CREB5: variants seen among roughly 807,000 people sequenced by gnomAD.
CREB5 encodes the protein cAMP responsive element binding protein 5, also known as cyclic AMP-responsive element-binding protein 5.
In CREB5, 19 loss-of-function variants were observed where a neutral mutation model predicts 57.1. The observed-to-expected ratio is 0.33, with a 90% CI of 0.23 to 0.49. The LOEUF is 0.49. CREB5 is among the 20% of genes least tolerant of loss of function. The pLI is 0.99. For synonymous variants in CREB5, 238 were observed against 238.3 expected (o/e 1.00, Z 0.01); for missense variants, 579 against 671.6 (o/e 0.86, Z 1.52).
At chr7:28,706,371 C>T (rs189236067) in intron 5 of CREB5, among the ~76,000 whole-genome samples, 277 of 151,938 alleles carry the variant, frequency 1.8e-3, no homozygotes, top group African/African-American at 6.4e-3. Context: ...AAAAAAAAAT[C>T]TTTCTAGCAC....
intron 6 of CREB5, among the ~76,000 whole-genome samples, chr7:28,721,493 G>A (rs999090539): frequency 1.3e-5 from 2 of 152,138 alleles, no homozygotes; most frequent in Non-Finnish European, 2.9e-5. Flanking sequence ...CAGGGGAGAC[G>A]CTTCCCCTAG....
At chr7:28,403,675 G>A (rs1489028562) in intron 1 of CREB5, among the ~76,000 whole-genome samples, 1 of 152,156 alleles carries the variant, frequency 6.6e-6, no homozygotes, top group African/African-American at 2.4e-5. Context: ...TGAGCATGGA[G>A]CTGGGGGTCT....
At chr7:28,316,878 T>TA (rs1245414767) in intron 1 of CREB5, among the ~76,000 whole-genome samples, 2 of 152,008 alleles carry the variant, frequency 1.3e-5, no homozygotes, top group Non-Finnish European at 2.9e-5. Flanking sequence ...CTCCATATCC[T>TA]AACCTTTAAA....
intron 1 of CREB5, among the ~76,000 whole-genome samples, chr7:28,301,156 T>G (rs1436233352): frequency 6.6e-6 from 1 of 152,320 alleles, no homozygotes; most frequent in East Asian, 1.9e-4. Context: ...CAAGCTTACT[T>G]TTTGATTAGG....
At chr7:28,332,549 A>G (rs565634819) in intron 1 of CREB5, among the ~76,000 whole-genome samples, 2 of 152,302 alleles carry the variant, frequency 1.3e-5, no homozygotes, top group African/African-American at 4.8e-5. Flanking sequence ...ACTTGGAAGT[A>G]TTTGAAGATT....
chr7:28,781,584 T>C (rs1394563996), intron 7 of CREB5, among the ~76,000 whole-genome samples: 1 of 152,172 alleles, frequency 6.6e-6, no homozygotes, highest in South Asian at 2.1e-4. Context: ...CCTACCAAAG[T>C]TGAGAAGCCA....
At chr7:28,806,061 C>A (rs978415426) in intron 8 of CREB5, among the ~76,000 whole-genome samples, 1 of 151,258 alleles carries the variant, frequency 6.6e-6, no homozygotes, top group Non-Finnish European at 1.5e-5. Flanking sequence ...CACATTTGTA[C>A]TTAGTTTATA....
chr7:28,799,325 G>A (rs1294543502), intron 7 of CREB5, among the ~76,000 whole-genome samples: 1 of 152,104 alleles, frequency 6.6e-6, no homozygotes, highest in African/African-American at 2.4e-5. Context: ...TAAAAAGCTT[G>A]GTTTTATGCA....
intron 5 of CREB5, among the ~76,000 whole-genome samples, chr7:28,656,109 A>G (rs1799323302): frequency 6.6e-6 from 1 of 152,252 alleles, no homozygotes; most frequent in African/African-American, 2.4e-5. Context: ...CTTGTCTAAA[A>G]TTCAGCCCAG....
intron 4 of CREB5, among the ~76,000 whole-genome samples, chr7:28,515,946 C>T (rs1321357069): frequency 2.6e-5 from 4 of 151,324 alleles, no homozygotes; most frequent in African/African-American, 9.7e-5. Context: ...TGGCTTATAC[C>T]TGAAATCTGA....
At chr7:28,641,824 G>C (rs945621620) in intron 5 of CREB5, among the ~76,000 whole-genome samples, 4 of 152,166 alleles carry the variant, frequency 2.6e-5, no homozygotes, top group African/African-American at 9.7e-5. Flanking sequence ...CTGCTCCTCT[G>C]ACCTGCAGTC....
chr7:28,560,796 C>A (rs545733520), intron 4 of CREB5, among the ~76,000 whole-genome samples: 12 of 141,050 alleles, frequency 8.5e-5, no homozygotes, highest in African/African-American at 3.2e-4. Context: ...TCTGCTTCCA[C>A]AGTGTGTGTG....
chr7:28,436,376 C>T (rs902004571), intron 1 of CREB5, among the ~76,000 whole-genome samples: 4 of 152,052 alleles, frequency 2.6e-5, no homozygotes, highest in East Asian at 1.9e-4. Flanking sequence ...TGTGTTTGCC[C>T]GAAAACAGCA....
chr7:28,348,144 T>C (rs1210728168), intron 1 of CREB5, among the ~76,000 whole-genome samples: 1 of 152,124 alleles, frequency 6.6e-6, no homozygotes, highest in Non-Finnish European at 1.5e-5. Flanking sequence ...AGAGGTTTCG[T>C]GTGCACAGGA....
intron 5 of CREB5, among the ~76,000 whole-genome samples, chr7:28,717,926 A>G (rs1164086895): frequency 1.3e-5 from 2 of 152,210 alleles, no homozygotes; most frequent in Non-Finnish European, 2.9e-5. Context: ...AATAAACACA[A>G]ATAATTCCCT....
chr7:28,384,273 G>A (rs368762013), intron 1 of CREB5, among the ~76,000 whole-genome samples: 1 of 152,148 alleles, frequency 6.6e-6, no homozygotes, highest in East Asian at 1.9e-4. Context: ...GGTGGAGAGC[G>A]AGTGCATGAT....
intron 6 of CREB5, among the ~76,000 whole-genome samples, chr7:28,723,995 C>T (rs997005172): frequency 6.6e-6 from 1 of 152,090 alleles, no homozygotes; most frequent in Non-Finnish European, 1.5e-5. Flanking sequence ...CAATGTAGTT[C>T]TCTTTGGCCT....
At chr7:28,425,995 C>A (rs531072511) in intron 1 of CREB5, among the ~76,000 whole-genome samples, 3 of 152,188 alleles carry the variant, frequency 2.0e-5, no homozygotes, top group Non-Finnish European at 2.9e-5. Context: ...AGGCTTCATG[C>A]CCTTCACTGA....
intron 4 of CREB5, among the ~76,000 whole-genome samples, chr7:28,508,120 C>T (rs1307876427): frequency 2.0e-5 from 3 of 152,094 alleles, no homozygotes; most frequent in Non-Finnish European, 2.9e-5. Flanking sequence ...TGTCTGTTTT[C>T]GATAATCTTT....
Sources: gnomAD v4.1 joint callset for allele counts (sites outside exome capture counted in the v4.1 genomes callset) on GRCh38, gnomAD v4.1.1 for gene constraint, MANE v1.5 for transcripts, NCBI Gene and HGNC (gene_info 2026-07-23, HGNC 2026-07-21) for gene names.